The following CTBP2 variants were observed in gnomAD, a reference collection of about 807,000 sequenced individuals.
The protein encoded by CTBP2 is C-terminal binding protein 2.
Under a neutral mutation model 80.3 loss-of-function variants are expected in CTBP2, and 30 were observed. The ratio of observed to expected loss-of-function variants is 0.37; its 90% CI spans 0.28 to 0.51. CTBP2 has a LOEUF of 0.51. Ranked by LOEUF, CTBP2 falls within the 20% of genes least tolerant of loss-of-function variation. CTBP2 has a pLI of 0.93. For synonymous variants in CTBP2, 594 were observed against 587.4 expected, an observed-to-expected ratio of 1.01 and a Z score of -0.16; for missense variants, 1,212 against 1,375.3, an observed-to-expected ratio of 0.88 and a Z score of 1.88.
chr10:125,136,090 C>T (rs1328792403), intron 1 of CTBP2, among the ~76,000 whole-genome samples: 1 of 152,252 alleles, frequency 6.6e-6, no homozygotes, highest in African/African-American at 2.4e-5. Flanking sequence ...GGACCACACA[C>T]TCAGAACCTG....
intron 2 of CTBP2, among the ~76,000 whole-genome samples, chr10:125,109,008 A>G (rs1488978484): frequency 6.6e-6 from 1 of 152,246 alleles, no homozygotes; most frequent in Non-Finnish European, 1.5e-5. Flanking sequence ...CTGGTTCTGG[A>G]TGCATTTGGA....
At chr10:125,031,028 C>G (rs1187906932), upstream of CTBP2, among the ~76,000 whole-genome samples, 1 of 44,308 alleles carries the variant, frequency 2.3e-5, no homozygotes, top group Non-Finnish European at 5.3e-5. Context: ...GCGAGCGCTT[C>G]CCTAGGGAGG....
chr10:125,021,072 G>A (rs1030734514), intron 1 of CTBP2, among the ~76,000 whole-genome samples: 7 of 152,132 alleles, frequency 4.6e-5, no homozygotes, highest in South Asian at 2.1e-4. Context: ...CCACACCCAC[G>A]GGGTCAGAGG....
At chr10:125,044,079 A>G (rs755628257) in intron 2 of CTBP2, among the ~76,000 whole-genome samples, 1 of 152,188 alleles carries the variant, frequency 6.6e-6, no homozygotes. Context: ...AGGCGATCCA[A>G]TGCAGGAAGA....
chr10:125,067,945 C>T (rs1844896310), intron 2 of CTBP2, among the ~76,000 whole-genome samples: 2 of 152,186 alleles, frequency 1.3e-5, no homozygotes. Context: ...AGGAGGCACC[C>T]CCAATTTCAC....
At chr10:125,059,786 C>G (rs1471048624) in intron 2 of CTBP2, among the ~76,000 whole-genome samples, 1 of 152,168 alleles carries the variant, frequency 6.6e-6, no homozygotes, top group Non-Finnish European at 1.5e-5. Context: ...CCGCCCACCC[C>G]CACCAGCTCC....
At chr10:125,045,389 T>C (rs896615350) in intron 2 of CTBP2, among the ~76,000 whole-genome samples, 2 of 152,168 alleles carry the variant, frequency 1.3e-5, no homozygotes, top group African/African-American at 4.8e-5. Context: ...TTTTTGCAAA[T>C]TTAGTTTTAT....
rs1386128194 is a variant in CTBP2, at chr10:124,985,995, AAATGC to A, written c.*3518_*3522del. 6.6e-6 allele frequency: 1 copy of A among 152,380 alleles called. No homozygotes were observed. Among genetic ancestry groups the A allele is most frequent in the Non-Finnish European group, 1.5e-5 (1 of 68,042 alleles). 9.4% of individuals were successfully genotyped at this position (152,380 alleles called of 1,614,324 possible). ...ATTCACTACAGAATAAAGATTTTAA[AAATGC>A]AATAAGGTGGCAAATGCATTGTATG... On this transcript the variant is annotated 3_prime_UTR_variant, in exon 9 of 9. Transcript: ENST00000309035.
chr10:125,026,312 G>T lies in CTBP2; in HGVS notation c.1448C>A (p.Ala483Glu). 6.2e-7 allele frequency: 1 copy of T among 1,613,968 alleles called. No homozygotes were observed. Among genetic ancestry groups the T allele is most frequent in the Non-Finnish European group, 8.5e-7 (1 of 1,179,974 alleles). The change falls in exon 1 of 9, where the codon GCA becomes GAA. Residue 483 changes from alanine to glutamate, a missense_variant. Physicochemically the swap from Ala to Glu is moderately radical, Grantham distance 107. This residue lies in a region of CTBP2 where 848 missense variants were observed against 782.3 expected (regional missense o/e 1.08). Transcript: ENST00000309035. ...TAGCAGCTCCATGGGCACCGTGTAT[G>T]CCGTGGAGTAGGCTGTTCTGGGGCC... is the stretch of plus-strand genomic sequence containing the variant.
chr10:124,998,823 C>G (rs143153960), intron 3 of CTBP2: 1 of 155,944 alleles, frequency 6.4e-6, no homozygotes, highest in African/African-American at 2.4e-5. Flanking sequence ...CTCCCTGCCC[C>G]GTGGAGCAGC....
chr10:125,100,775 G>A (rs1850495115), intron 2 of CTBP2: 1 of 152,148 alleles, frequency 6.6e-6, no homozygotes, highest in South Asian at 2.1e-4. Flanking sequence ...ATCAAAATCT[G>A]CATTTAAATA....
intron 2 of CTBP2, among the ~76,000 whole-genome samples, chr10:125,100,057 G>C (rs140731140): frequency 6.6e-6 from 1 of 152,178 alleles, no homozygotes; most frequent in Non-Finnish European, 1.5e-5. Flanking sequence ...ATTGAAGAAC[G>C]GGAGCTATTA....
intron 3 of CTBP2, among the ~76,000 whole-genome samples, chr10:125,035,263 C>A (rs1278708472): frequency 6.6e-6 from 1 of 152,210 alleles, no homozygotes; most frequent in East Asian, 1.9e-4. Context: ...CCAACCAGCT[C>A]AACGTTCTCA....
At chr10:125,092,378 A>C (rs1173649862) in intron 2 of CTBP2, among the ~76,000 whole-genome samples, 1 of 151,754 alleles carries the variant, frequency 6.6e-6, no homozygotes, top group Non-Finnish European at 1.5e-5. Context: ...TTTAGTAGAG[A>C]TGGGTTTCAC....
chr10:125,099,442 C>G (rs1850260516), intron 2 of CTBP2, among the ~76,000 whole-genome samples: 1 of 152,298 alleles, frequency 6.6e-6, no homozygotes, highest in South Asian at 2.1e-4. Flanking sequence ...CCAGAGAAGG[C>G]CTGGGACATG....
chr10:125,048,096 A>G (rs1961716088), intron 2 of CTBP2, among the ~76,000 whole-genome samples: 1 of 152,052 alleles, frequency 6.6e-6, no homozygotes, highest in African/African-American at 2.4e-5. Flanking sequence ...AGGGTCCAGA[A>G]TGCTTGTATA....
At chr10:125,143,523 T>A (rs1443834889) in intron 1 of CTBP2, among the ~76,000 whole-genome samples, 1 of 152,226 alleles carries the variant, frequency 6.6e-6, no homozygotes, top group African/African-American at 2.4e-5. Context: ...TATCACACCA[T>A]GTAACATGTT....
At chr10:125,137,437 C>G (rs1857139461) in intron 1 of CTBP2, among the ~76,000 whole-genome samples, 1 of 152,180 alleles carries the variant, frequency 6.6e-6, no homozygotes, top group African/African-American at 2.4e-5. Flanking sequence ...GCAACCAGTT[C>G]CCTCCAAGGA....
At chr10:125,161,466 A>G (rs1926785), upstream of CTBP2, among the ~76,000 whole-genome samples, 133,816 of 151,964 alleles carry the variant, frequency 0.88, 59,182 homozygotes, top group African/African-American at 0.96. Context: ...CAGCGGCGCC[A>G]ACCAGCCCCC....
Sources: gnomAD v4.1 joint callset for allele counts (sites outside exome capture counted in the v4.1 genomes callset) on GRCh38, gnomAD v4.1.1 for gene constraint, gnomAD v4.1.1 regional missense constraint, MANE v1.5 for transcripts, NCBI Gene and HGNC (gene_info 2026-07-23, HGNC 2026-07-21) for gene names.